Variants in LBH observed in about 807,000 individuals in gnomAD.
The protein encoded by LBH is LBH regulator of Wnt signaling pathway.
A neutral mutation model predicts 12.5 loss-of-function variants in LBH; 7 were observed. The observed-to-expected ratio is 0.56, with a 90% CI of 0.32 to 1.05. LBH has a LOEUF of 1.05. Ranked by LOEUF, LBH falls within the 50% of genes least tolerant of loss-of-function variation. LBH has a pLI of 0.04. For synonymous variants in LBH, 51 were observed against 50.1 expected (o/e 1.02, Z -0.08); for missense variants, 119 against 138.9 (o/e 0.86, Z 0.72).
chr2:30,238,512 A>T (rs1211548861), intron 2 of LBH, among the ~76,000 whole-genome samples: 1 of 152,166 alleles, frequency 6.6e-6, no homozygotes, highest in East Asian at 1.9e-4. Flanking sequence ...CAAGCGAGGG[A>T]GGATGCTCTG....
intron 2 of LBH, chr2:30,256,539 A>G (rs996756905): frequency 6.6e-6 from 1 of 152,146 alleles, no homozygotes; most frequent in Non-Finnish European, 1.5e-5. Context: ...TATTTTCAAG[A>G]TGGAGTCTCG....
At position 30,249,893 on chromosome 2, in the gene LBH, G is replaced by C. The variant is rs188688878; in HGVS notation, c.130-7540G>C. ...CATTAGCACTGACCCAAATTATAGAGGAGTAGAGGAGGAGAATAGGCCACC... is the reference window on the plus strand; with the variant it reads ...CATTAGCACTGACCCAAATTATAGACGAGTAGAGGAGGAGAATAGGCCACC... On this transcript the variant is annotated intron_variant, in intron 2 of 2. Coordinates refer to ENST00000395323, the MANE Select transcript of LBH (RefSeq NM_030915.4). 6.6e-5 allele frequency among the ~76,000 whole-genome samples: 10 copies of C among 152,318 alleles called. No homozygotes were observed. In the East Asian group the frequency reaches 1.7e-3, roughly 26 times the overall value.
chr2:30,239,662 C>T (rs542956050), intron 2 of LBH, among the ~76,000 whole-genome samples: 13 of 152,248 alleles, frequency 8.5e-5, no homozygotes, highest in Middle Eastern at 3.4e-3. Context: ...CTACTCCCCC[C>T]ACCCGCCTCT....
chr2:30,252,119 C>G (rs940892193), intron 2 of LBH, among the ~76,000 whole-genome samples: 12 of 152,134 alleles, frequency 7.9e-5, no homozygotes, highest in African/African-American at 2.9e-4. Flanking sequence ...CCCATAATCC[C>G]CTTGTCTCAT....
intron 2 of LBH, among the ~76,000 whole-genome samples, chr2:30,241,584 T>C (rs1264414301): frequency 1.3e-5 from 2 of 151,428 alleles, no homozygotes; most frequent in East Asian, 3.9e-4. Context: ...CTCAGCCTCT[T>C]GAGTAGCTGG....
At chr2:30,255,953 G>A (rs983771528) in intron 2 of LBH, among the ~76,000 whole-genome samples, 2 of 152,188 alleles carry the variant, frequency 1.3e-5, no homozygotes, top group African/African-American at 4.8e-5. Context: ...CCCCTCTGGG[G>A]CCTTGAGTTG....
intron 2 of LBH, among the ~76,000 whole-genome samples, chr2:30,247,603 G>A (rs1179401056): frequency 2.0e-5 from 3 of 152,124 alleles, no homozygotes; most frequent in East Asian, 1.9e-4. Context: ...TGGCATGAGC[G>A]GCTAGTTCAG....
Position 30,231,561 on chromosome 2 carries a change from T to G in LBH, c.-178T>G. On this transcript the variant is annotated 5_prime_UTR_variant, in exon 1 of 3. Coordinates refer to ENST00000395323, the MANE Select transcript of LBH (RefSeq NM_030915.4). ...TGAGTGCTCAGTGGAGAGCGGGGAG[T>G]TGTGTCCACCTTGCCGACGTCGCTA... 4 of 617,430 alleles carry G rather than the reference T, an allele frequency of 6.5e-6. No individual in the cohort carries two copies. The highest frequency in any genetic ancestry group is 3.5e-5 in the East Asian group (1 of 28,642). 38.2% of individuals were successfully genotyped at this position (617,430 alleles called of 1,614,324 possible).
In LBH at chr2:30,240,183, G is replaced by A. The variant is rs142432161; in HGVS notation, c.129+5676G>A. ...TAGTTGCTTAATGAGCCTGGATGATGGATTGGCCCTTCCTCTCTCCCCGTC... is the reference window on the plus strand; with the variant it reads ...TAGTTGCTTAATGAGCCTGGATGATAGATTGGCCCTTCCTCTCTCCCCGTC... On this transcript the variant is annotated intron_variant, in intron 2 of 2. Coordinates refer to ENST00000395323, the MANE Select transcript of LBH (RefSeq NM_030915.4). Among the ~76,000 whole-genome samples the A allele has an allele frequency of 1.7e-4, 26 of 152,286 alleles. No individual in the cohort carries two copies. The East Asian group carries it at 4.8e-3, about 28-fold the overall frequency.
intron 1 of LBH, chr2:30,232,039 G>A: frequency 7.4e-7 from 1 of 1,356,492 alleles, no homozygotes; most frequent in Non-Finnish European, 9.9e-7. Context: ...GGGAGCCAGG[G>A]GTCACGTGTG....
intron 2 of LBH, among the ~76,000 whole-genome samples, chr2:30,235,967 A>T (rs1247102464): frequency 1.3e-5 from 2 of 152,130 alleles, no homozygotes; most frequent in Non-Finnish European, 1.5e-5. Context: ...TGAGGAAGAC[A>T]ATTGAGGGCC....
chr2:30,239,510 A>AC lies in LBH; in HGVS notation c.129+5004dup, dbSNP rs553079738. On this transcript the variant is annotated intron_variant, in intron 2 of 2. Transcript: ENST00000395323. ...ACGCAAGTCCCATGGTCACCAGGAA[A>AC]CATCTTTCACAATGTCAGACTTAAA... Among the ~76,000 whole-genome samples, 36 of 152,366 alleles carry AC rather than the reference A, an allele frequency of 2.4e-4. No individual in the cohort carries two copies. In the East Asian group the frequency reaches 5.2e-3, roughly 22 times the overall value.
rs1244286870 is a variant in LBH at position 30,257,704 on chromosome 2, T to C, written c.*83T>C. The C allele has an allele frequency of 6.9e-6, 7 of 1,013,632 alleles. No individual in the cohort carries two copies. The highest frequency in any genetic ancestry group is 8.4e-6 in the Non-Finnish European group (6 of 712,340). 62.8% of individuals were successfully genotyped at this position (1,013,632 alleles called of 1,614,324 possible). A position where few individuals can be genotyped will look rare whatever the true frequency, so the allele number is the denominator to read the frequency against. The stretch of plus-strand genomic sequence containing the variant: ...TTCCCATCATGACGGAAGAAGAGAG[T>C]GAGCCGCAATTGTTCTGAAAATGTC... On this transcript the variant is annotated 3_prime_UTR_variant, in exon 3 of 3. Transcript: ENST00000395323.
At chr2:30,237,431 C>CTG (rs1199620509) in intron 2 of LBH, among the ~76,000 whole-genome samples, 8 of 143,072 alleles carry the variant, frequency 5.6e-5, no homozygotes, top group African/African-American at 2.1e-4. Flanking sequence ...GCCAATGATG[C>CTG]CGCTTCGAGG....
At chr2:30,236,037 G>A (rs769672441) in intron 2 of LBH, among the ~76,000 whole-genome samples, 1 of 152,212 alleles carries the variant, frequency 6.6e-6, no homozygotes, top group Non-Finnish European at 1.5e-5. Context: ...GTTTTGGGTA[G>A]CAGTTTCCAA....
At chr2:30,252,346 G>T (rs184060879) in intron 2 of LBH, among the ~76,000 whole-genome samples, 111 of 152,308 alleles carry the variant, frequency 7.3e-4, no homozygotes, top group African/African-American at 2.4e-3. Context: ...TCCTAGCCAT[G>T]TGGAACCGTG....
chr2:30,235,192 C>T lies in LBH; in HGVS notation c.129+685C>T, dbSNP rs2362542. On this transcript the variant is annotated intron_variant, in intron 2 of 2. Coordinates refer to ENST00000395323, the MANE Select transcript of LBH (RefSeq NM_030915.4). ...TACCCCAGCCCTCTCTCTGGCTTGC[C>T]CTGCTGCCTCTCTACTGCCCCTGGG... is the stretch of plus-strand genomic sequence containing the variant. 9.9e-4 allele frequency among the ~76,000 whole-genome samples: 150 copies of T among 152,254 alleles called. 3 individuals are homozygous for T. The East Asian group carries it at 0.023, about 24-fold the overall frequency.
At chr2:30,236,814 A>G (rs1320317532) in intron 2 of LBH, among the ~76,000 whole-genome samples, 2 of 152,214 alleles carry the variant, frequency 1.3e-5, no homozygotes, top group African/African-American at 4.8e-5. Context: ...AGCCGACAGA[A>G]TCAGAGGGAG....
chr2:30,248,715 G>A (rs1038538290), intron 2 of LBH, among the ~76,000 whole-genome samples: 4 of 152,066 alleles, frequency 2.6e-5, no homozygotes, highest in South Asian at 2.1e-4. Context: ...TCACTGCCCC[G>A]GAGAAAAAAG....
Sources: gnomAD v4.1 joint callset for allele counts (sites outside exome capture counted in the v4.1 genomes callset) on GRCh38, gnomAD v4.1.1 for gene constraint, MANE v1.5 for transcripts, NCBI Gene and HGNC (gene_info 2026-07-23, HGNC 2026-07-21) for gene names.